The following TLK1 variants were observed in gnomAD, a reference collection of about 807,000 sequenced individuals.
The protein encoded by TLK1 is tousled like kinase 1, also known as serine/threonine-protein kinase tousled-like 1.
Under a neutral mutation model 105.3 loss-of-function variants are expected in TLK1, and 24 were observed. The ratio of observed to expected loss-of-function variants is 0.23; its 90% confidence interval spans 0.17 to 0.32. TLK1 has a LOEUF of 0.32. Among genes scored for constraint, TLK1 ranks in the 10% least tolerant of loss-of-function variants. The pLI, the probability that TLK1 is intolerant of heterozygous loss-of-function variation, is 1.00. For missense variants in TLK1, 558 were observed against 910.5 expected, an observed-to-expected ratio of 0.61 and a Z score of 4.98; for synonymous variants, 321 against 310.4, an observed-to-expected ratio of 1.03 and a Z score of -0.36.
chr2:171,182,598 G>A (rs1303968690), intron 1 of TLK1, among the ~76,000 whole-genome samples: 1 of 152,088 alleles, frequency 6.6e-6, no homozygotes, highest in Non-Finnish European at 1.5e-5. Context: ...ACAAAACATG[G>A]AATGTATCCT....
chr2:171,209,162 G>A (rs1260538440), intron 1 of TLK1, among the ~76,000 whole-genome samples: 9 of 152,138 alleles, frequency 5.9e-5, no homozygotes, highest in African/African-American at 2.2e-4. Flanking sequence ...CTTTGTGTAA[G>A]AAAGTAGGGG....
At chr2:171,098,092 C>T (rs1689528087) in intron 2 of TLK1, among the ~76,000 whole-genome samples, 1 of 151,976 alleles carries the variant, frequency 6.6e-6, no homozygotes, top group Non-Finnish European at 1.5e-5. Context: ...CGATGGTTGC[C>T]AGGAACTAGG....
At chr2:171,222,872 T>G (rs1468230956) in intron 1 of TLK1, among the ~76,000 whole-genome samples, 6 of 152,162 alleles carry the variant, frequency 3.9e-5, no homozygotes, top group Admixed American at 2.6e-4. Flanking sequence ...TGGAGTATGG[T>G]GGTGCAATCT....
intron 1 of TLK1, among the ~76,000 whole-genome samples, chr2:171,153,644 C>T (rs1692126803): frequency 6.6e-6 from 1 of 152,300 alleles, no homozygotes; most frequent in Admixed American, 6.5e-5. Flanking sequence ...TGGAAACAGA[C>T]AATCCTGTGA....
At chr2:170,994,340 ATTT>A (rs1374107140) in intron 20 of TLK1, among the ~76,000 whole-genome samples, 1 of 151,140 alleles carries the variant, frequency 6.6e-6, no homozygotes, top group African/African-American at 2.4e-5. Flanking sequence ...TTCAACCATT[ATTT>A]TTTTTTCCTA....
intron 1 of TLK1, among the ~76,000 whole-genome samples, chr2:171,176,956 C>T (rs1422246971): frequency 1.3e-5 from 2 of 152,016 alleles, no homozygotes. Context: ...CCTCACCCTC[C>T]TGAGTGGCTG....
intron 12 of TLK1, among the ~76,000 whole-genome samples, chr2:171,021,906 T>C (rs974497231): frequency 6.6e-6 from 1 of 152,002 alleles, no homozygotes; most frequent in South Asian, 2.1e-4. Flanking sequence ...GACACCAGCC[T>C]GACCAACATG....
intron 12 of TLK1, among the ~76,000 whole-genome samples, chr2:171,019,752 G>A (rs780623464): frequency 2.5e-4 from 38 of 152,064 alleles, no homozygotes; most frequent in Non-Finnish European, 4.0e-4. Flanking sequence ...TAAGAAAACC[G>A]GTTCAGAATG....
At chr2:171,022,976 G>A in intron 12 of TLK1, 1 of 442,390 alleles carries the variant, frequency 2.3e-6, no homozygotes, top group Non-Finnish European at 4.7e-6. Flanking sequence ...AGTGAGAAAA[G>A]AGCTGTGTAC....
intron 1 of TLK1, among the ~76,000 whole-genome samples, chr2:171,214,942 CTT>C (rs1372424046): frequency 6.6e-6 from 1 of 151,800 alleles, no homozygotes; most frequent in Admixed American, 6.6e-5. Context: ...TCTTTCAACT[CTT>C]TTCTTTTTTT....
intron 2 of TLK1, among the ~76,000 whole-genome samples, chr2:171,085,036 A>T (rs1032823606): frequency 2.0e-5 from 3 of 152,216 alleles, no homozygotes; most frequent in African/African-American, 7.2e-5. Flanking sequence ...CAATATACAG[A>T]TAACAGAAGA....
Position 170,990,957 on chromosome 2 carries a change from C to CCAT in TLK1, c.*2820_*2822dup, listed in dbSNP as rs2105342776. On this transcript the variant is annotated 3_prime_UTR_variant, in exon 21 of 21. Coordinates refer to ENST00000431350, the MANE Select transcript of TLK1 (RefSeq NM_012290.5). ...GAGGTGTTTGTTCACATTTTATATGCCATTTAAACTGACAGAGTTGTTTTA... is the reference window on the plus strand; with the variant it reads ...GAGGTGTTTGTTCACATTTTATATGCCATCATTTAAACTGACAGAGTTGTTTTA... 6.6e-6 allele frequency: 1 copy of CCAT among 151,638 alleles called. No individual in the cohort carries two copies. The highest frequency in any genetic ancestry group is 2.1e-4 in the South Asian group (1 of 4,798). 9.4% of individuals were successfully genotyped at this position (151,638 alleles called of 1,614,324 possible).
At chr2:171,020,110 A>G (rs1685421400) in intron 12 of TLK1, among the ~76,000 whole-genome samples, 1 of 152,054 alleles carries the variant, frequency 6.6e-6, no homozygotes, top group Non-Finnish European at 1.5e-5. Context: ...AGTAATGTGA[A>G]TAATATCAAT....
intron 1 of TLK1, among the ~76,000 whole-genome samples, chr2:171,122,534 G>C (rs1690695040): frequency 2.0e-5 from 3 of 152,014 alleles, no homozygotes; most frequent in Admixed American, 2.0e-4. Context: ...TACTTCTGTA[G>C]AACACAGATC....
intron 18 of TLK1, among the ~76,000 whole-genome samples, chr2:171,002,073 G>A (rs1328734071): frequency 6.6e-6 from 1 of 152,032 alleles, no homozygotes; most frequent in Non-Finnish European, 1.5e-5. Context: ...CACCGCGCCT[G>A]GCCTCAATTA....
At chr2:171,043,958 C>CT (rs1382936517) in intron 11 of TLK1, among the ~76,000 whole-genome samples, 1 of 152,150 alleles carries the variant, frequency 6.6e-6, no homozygotes, top group Non-Finnish European at 1.5e-5. Context: ...AATTTACTAA[C>CT]TTACAAAAAG....
intron 1 of TLK1, among the ~76,000 whole-genome samples, chr2:171,186,589 G>A (rs1207996657): frequency 1.3e-5 from 2 of 152,124 alleles, no homozygotes; most frequent in East Asian, 3.9e-4. Context: ...ATTTCCCATT[G>A]GCTAGGAGAA....
chr2:171,193,382 GTTATCACT>G (rs1693192560), intron 1 of TLK1, among the ~76,000 whole-genome samples: 1 of 149,712 alleles, frequency 6.7e-6, no homozygotes, highest in Admixed American at 6.7e-5. Context: ...TTTGTTTTCT[GTTATCACT>G]TAGTTTTTCG....
chr2:171,213,567 C>G (rs1693659686), intron 1 of TLK1, among the ~76,000 whole-genome samples: 1 of 150,882 alleles, frequency 6.6e-6, no homozygotes, highest in Non-Finnish European at 1.5e-5. Flanking sequence ...TCCTATAATC[C>G]CAACACTTTG....
Sources: gnomAD v4.1 joint callset for allele counts (sites outside exome capture counted in the v4.1 genomes callset) on GRCh38, gnomAD v4.1.1 for gene constraint, MANE v1.5 for transcripts, NCBI Gene and HGNC (gene_info 2026-07-23, HGNC 2026-07-21) for gene names.